The following COL1A1 variants were observed in gnomAD, a reference collection of about 807,000 sequenced individuals.
COL1A1 encodes the protein collagen alpha-1(I) chain.
In COL1A1, 21 loss-of-function variants were observed where a neutral mutation model predicts 195.7. The observed-to-expected ratio is 0.11, with a 90% CI of 0.08 to 0.15. The LOEUF is 0.15. COL1A1 is among the 10% of genes least tolerant of loss of function. The pLI is 1.00. For synonymous variants in COL1A1, 749 were observed against 747.3 expected, an observed-to-expected ratio of 1.00 and a Z score of -0.04; for missense variants, 1,365 against 2,051.0, an observed-to-expected ratio of 0.67 and a Z score of 6.46.
chr17:50,185,986 T>C lies in COL1A1; in HGVS notation c.4040A>G (p.Asp1347Gly), dbSNP rs772033648. 4 of 1,612,910 alleles carry C rather than the reference T, an allele frequency of 2.5e-6. No homozygotes were observed. In the Admixed American group the frequency reaches 6.7e-5, roughly 27 times the overall value. The change falls in exon 50 of 51, where the codon GAT becomes GGT. Residue 1347 changes from aspartate (D) to glycine (G), a missense_variant. By Grantham distance (94) the Asp-to-Gly change is moderately conservative. Coordinates refer to ENST00000225964, the MANE Select transcript of COL1A1 (RefSeq NM_000088.4). ...EYGGQGSDPA[D>G]VAIQLTFLRL... Reference sequence around the variant, plus strand: ...CAGGAAGGTCAGCTGGATGGCCACATCGGCAGGGTCGGAGCCCTGGCCGCC... The same window carrying C: ...CAGGAAGGTCAGCTGGATGGCCACACCGGCAGGGTCGGAGCCCTGGCCGCC...
chr17:50,195,756 G>A lies in COL1A1; in HGVS notation c.1057-91C>T. The A allele has an allele frequency of 7.2e-7, 1 of 1,395,640 alleles. No individual in the cohort carries two copies. The highest frequency in any genetic ancestry group is 1.2e-5 in the South Asian group (1 of 83,172). The allele number at this position is 1,395,640 out of a possible 1,614,324, so 86.5% of individuals were successfully genotyped here. A position where few individuals can be genotyped will look rare whatever the true frequency, so the allele number is the denominator to read the frequency against. On this transcript the variant is annotated intron_variant, in intron 16 of 50. Transcript: ENST00000225964. This position sits in a 1 kb window ranked among gnomAD's most constrained non-coding sequence, Gnocchi z 4.3. Reference sequence around the variant, plus strand: ...CAGGAGGAAGGGGAGACAGGGACAGGAGAGCAATGATCAGGACTCTAAGAT... The same window carrying A: ...CAGGAGGAAGGGGAGACAGGGACAGAAGAGCAATGATCAGGACTCTAAGAT...
intron 3 of COL1A1, 33 bp downstream of exon 3, chr17:50,199,523 G>T: frequency 1.2e-6 from 2 of 1,614,212 alleles, no homozygotes; most frequent in Non-Finnish European, 1.7e-6. Flanking sequence ...GTCACGGGCC[G>T]CGCAGGGGCA....
At position 50,201,598 on chromosome 17, in the gene COL1A1, C is replaced by T; in HGVS notation, c.-85G>A. On this transcript the variant is annotated 5_prime_UTR_variant, in exon 1 of 51. Transcript: ENST00000225964. ...GCGTGGCCTCACACTCCGCGTGCCTCCTGCTCCGACCCCGAGGAGAAACTC... is the reference window on the plus strand; with the variant it reads ...GCGTGGCCTCACACTCCGCGTGCCTTCTGCTCCGACCCCGAGGAGAAACTC... 2 of 1,203,864 alleles carry T rather than the reference C, an allele frequency of 1.7e-6. No homozygotes were observed. Among genetic ancestry groups the T allele is most frequent in the Admixed American group, 2.3e-5 (1 of 44,200 alleles). The allele number at this position is 1,203,864 out of a possible 1,614,324, so 74.6% of individuals were successfully genotyped here.
At chr17:50,187,329 T>C (rs960911079) in intron 46 of COL1A1, among the ~76,000 whole-genome samples, 155 bp downstream of exon 46, 2 of 152,116 alleles carry the variant, frequency 1.3e-5, no homozygotes, top group African/African-American at 4.8e-5. Flanking sequence ...CAAAGCTAGA[T>C]CAGATTGTTT....
intron 4 of COL1A1, 38 bp downstream of exon 4, chr17:50,199,380 C>T (rs1451253328): frequency 6.2e-7 from 1 of 1,612,170 alleles, no homozygotes; most frequent in East Asian, 2.2e-5. Context: ...GAGCCATGCC[C>T]ACCTGCAGCC....
intron 1 of COL1A1, 131 bp from the exon 2 acceptor site, chr17:50,200,078 A>G: frequency 9.7e-7 from 1 of 1,033,942 alleles, no homozygotes; most frequent in Non-Finnish European, 1.5e-6. Context: ...CTTTCCTCAA[A>G]TCCTTAAAAG....
chr17:50,189,122 T>C lies in COL1A1; in HGVS notation c.2937+46A>G, dbSNP rs1261376887. ...CTTGGCTCCGCCCCACTCCAAGTCC[T>C]GTGATGGTTTTTCTCAGGGCCCCCC... On this transcript the variant is annotated intron_variant, in intron 40 of 50. Coordinates refer to ENST00000225964, the MANE Select transcript of COL1A1 (RefSeq NM_000088.4). This position sits in a 1 kb window ranked among gnomAD's most constrained non-coding sequence, Gnocchi z 5.5. 1 of 1,602,426 alleles carries C rather than the reference T, an allele frequency of 6.2e-7. No individual in the cohort carries two copies. Among genetic ancestry groups the C allele is most frequent in the Non-Finnish European group, 8.5e-7 (1 of 1,169,970 alleles).
chr17:50,193,098 C>A, intron 25 of COL1A1, 51 bp from the exon 26 acceptor site: 1 of 1,559,906 alleles, frequency 6.4e-7, no homozygotes, highest in Non-Finnish European at 8.8e-7. Context: ...GAAGCCAGGG[C>A]CTCCTGGGGC....
In COL1A1 at chr17:50,188,771, G is replaced by T; in HGVS notation, c.3070C>A (p.Pro1024Thr). The T allele has an allele frequency of 6.2e-7, 1 of 1,614,036 alleles. No individual in the cohort carries two copies. Residue 1024 changes from proline (P) to threonine (T), a missense_variant, in exon 42 of 51, where the codon CCT becomes ACT. Pro to Thr is a conservative substitution (Grantham distance 38). Coordinates refer to ENST00000225964, the MANE Select transcript of COL1A1 (RefSeq NM_000088.4). This position sits in a 1 kb window ranked among gnomAD's most constrained non-coding sequence, Gnocchi z 5.6. ...REGAPGAEGSPGRDGSPGAKG... is the reference protein window; with the variant it reads ...REGAPGAEGSTGRDGSPGAKG... ...GCGCCAGGAGAACCGTCTCGTCCAG[G>T]GGAACCTTCGGCACCAGGAGCCCCC...
At chr17:50,198,070 G>A in intron 7 of COL1A1, 68 bp from the exon 8 acceptor site, 1 of 1,607,304 alleles carries the variant, frequency 6.2e-7, no homozygotes, top group Non-Finnish European at 8.5e-7. Context: ...CTTACCAAGA[G>A]ATCTCTGAGC....
In COL1A1 at chr17:50,195,500, G is replaced by A. The variant is rs758842227; in HGVS notation, c.1156-22C>T. Reference sequence around the variant, plus strand: ...TTCCCTGTGGCACAGAGAAAGGAGTGTCAGCAACAGGCAAGGACTCTGAGG... The same window carrying A: ...TTCCCTGTGGCACAGAGAAAGGAGTATCAGCAACAGGCAAGGACTCTGAGG... On this transcript the variant is annotated intron_variant, in intron 17 of 50. Coordinates refer to ENST00000225964, the MANE Select transcript of COL1A1 (RefSeq NM_000088.4). This position sits in a 1 kb window ranked among gnomAD's most constrained non-coding sequence, Gnocchi z 4.3. 1 of 1,614,102 alleles carries A rather than the reference G, an allele frequency of 6.2e-7. No homozygotes were observed.
At chr17:50,193,481 C>CT (rs1176162386) in intron 25 of COL1A1, 4 of 136,776 alleles carry the variant, frequency 2.9e-5, no homozygotes, top group Admixed American at 2.6e-4. Flanking sequence ...TTCTTTCTTT[C>CT]TTCTTTTTTT....
In COL1A1 at chr17:50,189,205, C is replaced by T. The variant is rs1906846275; in HGVS notation, c.2900G>A (p.Arg967Lys). 1 of 1,613,640 alleles carries T rather than the reference C, an allele frequency of 6.2e-7. No homozygotes were observed. Among genetic ancestry groups the T allele is most frequent in the Non-Finnish European group, 8.5e-7 (1 of 1,179,902 alleles). The change falls in exon 40 of 51, where the codon AGA (arginine) becomes AAA (lysine). Residue 967 changes from arginine to lysine, a missense_variant. Physicochemically the swap from Arg to Lys is conservative, Grantham distance 26 (BLOSUM62 2). This residue lies in a region of COL1A1 where 671 missense variants were observed against 1,099.9 expected (regional missense o/e 0.61). Coordinates refer to ENST00000225964, the MANE Select transcript of COL1A1 (RefSeq NM_000088.4). The surrounding 1 kb of genome is among the most constrained non-coding windows in gnomAD (Gnocchi z 5.5). ...AAGACCAGGGAAGCCTCTCTCTCCT[C>T]TCTGACCAGGCAGGCCGACCACACC... is the stretch of plus-strand genomic sequence containing the variant. ...QRGVVGLPGQ[R>K]GERGFPGLPG... is the part of the protein sequence containing the mutation.
chr17:50,197,769 C>T lies in COL1A1; in HGVS notation c.659G>A (p.Arg220Gln), dbSNP rs200142836. 34 of 1,604,320 alleles carry T rather than the reference C, an allele frequency of 2.1e-5. No homozygotes were observed. The highest frequency in any genetic ancestry group is 5.4e-5 in the African/African-American group (4 of 73,880). Residue 220 changes from arginine (R) to glutamine (Q), a missense_variant, in exon 9 of 51, where the codon CGA becomes CAA. Physicochemically the swap from Arg to Gln is conservative, Grantham distance 43. Coordinates refer to ENST00000225964, the MANE Select transcript of COL1A1 (RefSeq NM_000088.4). ...EPGASGPMGP[R>Q]GPPGPPGKNG... ...CTTTCCAGGGGGACCTGGGGGACCT[C>T]GGGGACCCATGGGACCCTAGAAAAG...
Position 50,186,082 on chromosome 17 carries a change from G to A in COL1A1, c.4006-62C>T, listed in dbSNP as rs1053661865. 7.5e-6 allele frequency: 12 copies of A among 1,600,996 alleles called. No homozygotes were observed. Among genetic ancestry groups the A allele is most frequent in the Non-Finnish European group, 9.3e-6 (11 of 1,178,514 alleles). On this transcript the variant is annotated intron_variant, in intron 49 of 50. Coordinates refer to ENST00000225964, the MANE Select transcript of COL1A1 (RefSeq NM_000088.4). This position sits in a 1 kb window ranked among gnomAD's most constrained non-coding sequence, Gnocchi z 5.3. Reference sequence around the variant, plus strand: ...ATGCGGGAACCTCTAGTCCTGCCTGGCCTCCCTGTCCAGGGTCCTCAGAGA... The same window carrying A: ...ATGCGGGAACCTCTAGTCCTGCCTGACCTCCCTGTCCAGGGTCCTCAGAGA...
At chr17:50,191,148 G>A (rs1907039082) in intron 32 of COL1A1, among the ~76,000 whole-genome samples, 1 of 152,108 alleles carries the variant, frequency 6.6e-6, no homozygotes, top group African/African-American at 2.4e-5. Context: ...GAATAAGGGA[G>A]CCTCCACCAA....
At chr17:50,191,093 C>T (rs1907033800) in intron 32 of COL1A1, among the ~76,000 whole-genome samples, 169 bp from the exon 33 acceptor site, 1 of 152,118 alleles carries the variant, frequency 6.6e-6, no homozygotes, top group African/African-American at 2.4e-5. Flanking sequence ...CCTGGAGACT[C>T]AGGTGGAACT....
In COL1A1 at chr17:50,200,180, G is replaced by C. The variant is rs759849111; in HGVS notation, c.104-233C>G. 3.6e-5 allele frequency: 21 copies of C among 581,176 alleles called. No homozygotes were observed. In the African/African-American group the frequency reaches 3.7e-4, roughly 10 times the overall value. The allele number at this position is 581,176 out of a possible 1,614,324, so 36.0% of individuals were successfully genotyped here. A position where few individuals can be genotyped will look rare whatever the true frequency, so the allele number is the denominator to read the frequency against. On this transcript the variant is annotated intron_variant, in intron 1 of 50. Transcript: ENST00000225964. The stretch of plus-strand genomic sequence containing the variant: ...TCCAGTTCTCAGGAATTTAAACAAA[G>C]CTTTAGTCCGCGGTGGCTTCCAACT...
chr17:50,192,424 C>T (rs1401303754), intron 29 of COL1A1, 51 bp downstream of exon 29: 1 of 1,551,704 alleles, frequency 6.4e-7, no homozygotes, highest in Admixed American at 1.9e-5. Flanking sequence ...GGGGCCTGTC[C>T]CTCTGGATTC....
Sources: allele counts gnomAD v4.1 joint callset (sites outside exome capture counted in the v4.1 genomes callset), GRCh38; gene constraint gnomAD v4.1.1; regional missense constraint gnomAD v4.1.1; non-coding constraint Gnocchi (gnomAD v3.1); transcripts MANE v1.5; gene names NCBI Gene and HGNC (gene_info 2026-07-23, HGNC 2026-07-21).